The following MIPOL1 variants were observed in gnomAD, a reference collection of about 807,000 sequenced individuals.
MIPOL1 encodes the protein mirror-image polydactyly gene 1 protein.
MIPOL1 carries 57 observed loss-of-function variants against 60.9 expected under a neutral mutation model. The observed-to-expected ratio is 0.94, with a 90% CI of 0.76 to 1.17. The LOEUF is 1.17. Ranked by LOEUF, MIPOL1 falls within the 50% of genes most tolerant of loss-of-function variation. The pLI, the probability that MIPOL1 is intolerant of heterozygous loss-of-function variation, is 0.00. For missense variants in MIPOL1, 551 were observed against 511.6 expected, an observed-to-expected ratio of 1.08 and a Z score of -0.74; for synonymous variants, 179 against 168.8, an observed-to-expected ratio of 1.06 and a Z score of -0.47.
intron 1 of MIPOL1, among the ~76,000 whole-genome samples, chr14:37,227,374 A>G (rs771795307): frequency 6.6e-6 from 1 of 152,184 alleles, no homozygotes; most frequent in Non-Finnish European, 1.5e-5. Context: ...TTAATTATTT[A>G]ACCTATACAG....
chr14:37,471,180 T>C (rs2094684211), intron 11 of MIPOL1, among the ~76,000 whole-genome samples: 1 of 152,064 alleles, frequency 6.6e-6, no homozygotes, highest in African/African-American at 2.4e-5. Context: ...TGAATTGAAG[T>C]TGAGAAGATA....
intron 7 of MIPOL1, among the ~76,000 whole-genome samples, chr14:37,286,508 A>C (rs1263770465): frequency 6.6e-6 from 1 of 152,218 alleles, no homozygotes; most frequent in Non-Finnish European, 1.5e-5. Context: ...GTACAGATAG[A>C]TAGAATCCAG....
At chr14:37,481,520 A>G (rs1004171679) in intron 11 of MIPOL1, among the ~76,000 whole-genome samples, 1 of 150,502 alleles carries the variant, frequency 6.6e-6, no homozygotes, top group South Asian at 2.1e-4. Flanking sequence ...TGTTAAAAGA[A>G]ATAGAAAAAA....
At chr14:37,507,919 C>T (rs1225112649) in intron 12 of MIPOL1, 1 of 152,030 alleles carries the variant, frequency 6.6e-6, no homozygotes, top group Non-Finnish European at 1.5e-5. Flanking sequence ...TGTTAAATCC[C>T]TTTTTCTTCT....
chr14:37,227,460 TC>T (rs1348835747), intron 1 of MIPOL1, among the ~76,000 whole-genome samples: 3 of 152,044 alleles, frequency 2.0e-5, no homozygotes, highest in South Asian at 2.1e-4. Flanking sequence ...ACATCCAAGG[TC>T]TAAAACATGA....
chr14:37,285,501 G>T, intron 7 of MIPOL1, 54 bp downstream of exon 7: 1 of 1,548,598 alleles, frequency 6.5e-7, no homozygotes, highest in Non-Finnish European at 8.8e-7. Context: ...TAAAAGGCAT[G>T]CTTTAGGTGG....
chr14:37,458,415 G>T (rs140006965), intron 11 of MIPOL1, among the ~76,000 whole-genome samples: 1 of 152,022 alleles, frequency 6.6e-6, no homozygotes, highest in African/African-American at 2.4e-5. Flanking sequence ...TAATATGTTG[G>T]GCCATAAAAC....
At chr14:37,409,774 G>C (rs2093651215) in intron 10 of MIPOL1, among the ~76,000 whole-genome samples, 1 of 152,152 alleles carries the variant, frequency 6.6e-6, no homozygotes, top group Non-Finnish European at 1.5e-5. Flanking sequence ...GACAGAGCAA[G>C]ACTCTGTCTC....
intron 11 of MIPOL1, among the ~76,000 whole-genome samples, chr14:37,442,856 AC>A (rs976831039): frequency 6.6e-6 from 1 of 152,108 alleles, no homozygotes; most frequent in African/African-American, 2.4e-5. Context: ...AAATGGAAAA[AC>A]ATCTGTGTTC....
At chr14:37,368,707 G>A (rs1489616948) in intron 9 of MIPOL1, among the ~76,000 whole-genome samples, 1 of 151,770 alleles carries the variant, frequency 6.6e-6, no homozygotes, top group Non-Finnish European at 1.5e-5. Flanking sequence ...CTGATTTGCA[G>A]CACCCCATTT....
chr14:37,239,337 G>A (rs182443168), intron 1 of MIPOL1, among the ~76,000 whole-genome samples: 2 of 152,016 alleles, frequency 1.3e-5, no homozygotes, highest in East Asian at 1.9e-4. Context: ...GAGCCACCGC[G>A]CCTGGCCTGC....
chr14:37,457,750 T>C (rs188148122), intron 11 of MIPOL1, among the ~76,000 whole-genome samples: 3 of 152,340 alleles, frequency 2.0e-5, no homozygotes, highest in Admixed American at 1.3e-4. Flanking sequence ...TGTATTCCTA[T>C]ATGTCCTTGT....
chr14:37,385,715 T>G (rs1263766896), intron 10 of MIPOL1: 1 of 152,038 alleles, frequency 6.6e-6, no homozygotes, highest in Non-Finnish European at 1.5e-5. Flanking sequence ...ATGTAACCAT[T>G]TTTTAAAAAA....
chr14:37,520,374 T>G (rs1275251872), intron 12 of MIPOL1, among the ~76,000 whole-genome samples: 4 of 152,164 alleles, frequency 2.6e-5, no homozygotes, highest in African/African-American at 9.6e-5. Flanking sequence ...AATCCTACAT[T>G]TTAAAGTTTA....
chr14:37,427,472 A>G (rs935404518), intron 11 of MIPOL1, among the ~76,000 whole-genome samples: 3 of 152,170 alleles, frequency 2.0e-5, no homozygotes, highest in African/African-American at 7.2e-5. Flanking sequence ...GGGATGATGA[A>G]AAGTTGTGGA....
chr14:37,277,468 T>G (rs2083758299), intron 6 of MIPOL1: 1 of 151,358 alleles, frequency 6.6e-6, no homozygotes, highest in South Asian at 2.1e-4. Context: ...ATCACATATA[T>G]TAAATCTTTG....
intron 10 of MIPOL1, among the ~76,000 whole-genome samples, chr14:37,375,844 G>T (rs749346199): frequency 6.6e-6 from 1 of 151,642 alleles, no homozygotes; most frequent in African/African-American, 2.4e-5. Flanking sequence ...GCCTCAGCTT[G>T]CCAAGTAGGC....
At chr14:37,206,770 A>G (rs561262430) in intron 1 of MIPOL1, among the ~76,000 whole-genome samples, 3 of 152,320 alleles carry the variant, frequency 2.0e-5, no homozygotes, top group Non-Finnish European at 2.9e-5. Context: ...GAGTCAAAGG[A>G]GATAATTTTG....
intron 1 of MIPOL1, among the ~76,000 whole-genome samples, chr14:37,241,324 A>T (rs1440453905): frequency 6.6e-6 from 1 of 152,106 alleles, no homozygotes; most frequent in Non-Finnish European, 1.5e-5. Context: ...TTTCCCCAGT[A>T]CACTGATTCA....
Sources: allele counts gnomAD v4.1 joint callset (sites outside exome capture counted in the v4.1 genomes callset), GRCh38; gene constraint gnomAD v4.1.1; transcripts MANE v1.5; gene names NCBI Gene and HGNC (gene_info 2026-07-23, HGNC 2026-07-21).